GRM8: variants seen among roughly 807,000 people sequenced by gnomAD.
GRM8 encodes the protein glutamate metabotropic receptor 8.
GRM8 carries 47 observed loss-of-function variants against 87.2 expected under a neutral mutation model. The ratio of observed to expected loss-of-function variants is 0.54; its 90% confidence interval spans 0.43 to 0.69. GRM8 has a LOEUF of 0.69. GRM8 is among the 30% of genes least tolerant of loss of function. GRM8 has a pLI of 0.00. For synonymous variants in GRM8, 396 were observed against 404.5 expected (o/e 0.98, Z 0.25); for missense variants, 1,019 against 1,139.2 (o/e 0.89, Z 1.52).
chr7:126,756,536 T>C (rs1817022974), intron 7 of GRM8, among the ~76,000 whole-genome samples: 1 of 151,922 alleles, frequency 6.6e-6, no homozygotes, highest in Non-Finnish European at 1.5e-5. Flanking sequence ...AAAGGACAAC[T>C]ATATCAAAAT....
At chr7:126,471,196 T>C (rs965446023) in intron 9 of GRM8, among the ~76,000 whole-genome samples, 56 of 152,138 alleles carry the variant, frequency 3.7e-4, no homozygotes, top group Non-Finnish European at 7.9e-4. Context: ...TTAGTTTAAT[T>C]AGATCCCATT....
chr7:127,114,937 G>A (rs1189845555), intron 2 of GRM8, among the ~76,000 whole-genome samples: 1 of 152,128 alleles, frequency 6.6e-6, no homozygotes. Context: ...AGAGAAGGCA[G>A]TGGAAAGCCA....
At chr7:126,474,605 C>T (rs1405418629) in intron 9 of GRM8, among the ~76,000 whole-genome samples, 1 of 152,120 alleles carries the variant, frequency 6.6e-6, no homozygotes, top group Non-Finnish European at 1.5e-5. Context: ...TATGTTCATC[C>T]TGAAAAGACT....
At chr7:126,946,115 T>C (rs1415971924) in intron 3 of GRM8, among the ~76,000 whole-genome samples, 2 of 152,218 alleles carry the variant, frequency 1.3e-5, no homozygotes, top group Non-Finnish European at 2.9e-5. Context: ...ACAAATGAAA[T>C]GTTGATGTGC....
intron 6 of GRM8, among the ~76,000 whole-genome samples, chr7:126,864,593 A>G (rs936426999): frequency 6.6e-6 from 1 of 152,108 alleles, no homozygotes; most frequent in Admixed American, 6.5e-5. Flanking sequence ...ACCTATGTAT[A>G]CATACCTATA....
intron 8 of GRM8, among the ~76,000 whole-genome samples, chr7:126,538,398 A>C (rs1359074168): frequency 6.6e-6 from 1 of 152,180 alleles, no homozygotes; most frequent in East Asian, 1.9e-4. Flanking sequence ...AGAATGTTGA[A>C]CAAGTAAAAT....
At chr7:126,818,995 T>C (rs987261238) in intron 6 of GRM8, among the ~76,000 whole-genome samples, 8 of 152,020 alleles carry the variant, frequency 5.3e-5, no homozygotes, top group Non-Finnish European at 8.8e-5. Context: ...CTCTAATCCA[T>C]CCCACTGCTA....
intron 3 of GRM8, among the ~76,000 whole-genome samples, chr7:126,906,581 C>G (rs2131253734): frequency 6.6e-6 from 1 of 152,294 alleles, no homozygotes; most frequent in Admixed American, 6.5e-5. Flanking sequence ...GGTTCATCAG[C>G]AGGAGAAATA....
chr7:126,913,744 C>T lies in GRM8; in HGVS notation c.728-9061G>A, dbSNP rs1165655078. ...TATGGTTTAAATAAGTGTAATCACG[C>T]CTCCTGTAACAATATTTTCGCCTCC... On this transcript the variant is annotated intron_variant, in intron 3 of 10. Coordinates refer to ENST00000339582, the MANE Select transcript of GRM8 (RefSeq NM_000845.3). Among the ~76,000 whole-genome samples, 5 of 152,290 alleles carry T rather than the reference C, an allele frequency of 3.3e-5. No individual in the cohort carries two copies. The East Asian group carries it at 9.6e-4, about 29-fold the overall frequency.
chr7:127,130,428 G>C (rs573695414), intron 2 of GRM8, among the ~76,000 whole-genome samples: 2 of 152,310 alleles, frequency 1.3e-5, no homozygotes, highest in Admixed American at 1.3e-4. Flanking sequence ...AATGCTGATA[G>C]TGATATGGAC....
chr7:127,058,135 G>C (rs1441229913), intron 3 of GRM8: 1 of 521,662 alleles, frequency 1.9e-6, no homozygotes, highest in Non-Finnish European at 3.9e-6. Flanking sequence ...TGATGACGCT[G>C]TGCCATCACA....
chr7:126,595,268 G>T (rs923095959), intron 8 of GRM8, among the ~76,000 whole-genome samples: 19 of 151,816 alleles, frequency 1.3e-4, no homozygotes, highest in African/African-American at 3.9e-4. Context: ...ATCTCACTGT[G>T]TTACCCAGGT....
intron 7 of GRM8, among the ~76,000 whole-genome samples, chr7:126,756,652 A>C (rs1308038188): frequency 6.6e-6 from 1 of 152,118 alleles, no homozygotes; most frequent in Non-Finnish European, 1.5e-5. Context: ...GAAAGAGGCA[A>C]ATCTGAAAAA....
At chr7:126,552,694 A>G (rs1792715460) in intron 8 of GRM8, among the ~76,000 whole-genome samples, 1 of 152,122 alleles carries the variant, frequency 6.6e-6, no homozygotes, top group African/African-American at 2.4e-5. Flanking sequence ...AGCTAATTAC[A>G]TTTATTTAAA....
At chr7:126,563,744 A>T (rs1350563223) in intron 8 of GRM8, among the ~76,000 whole-genome samples, 1 of 152,194 alleles carries the variant, frequency 6.6e-6, no homozygotes, top group East Asian at 1.9e-4. Flanking sequence ...ATAAAAAGAT[A>T]TCCTAGGTGG....
In GRM8 at chr7:126,477,593, A is replaced by AAG. The variant is rs1563051175; in HGVS notation, c.2431-31223_2431-31222dup. ...AAAGAAAGAAAGAGAGAAAGAAAGAAAGAAAGAAAGAAAGAAAGAAAGAAA... is the reference window on the plus strand; with the variant it reads ...AAAGAAAGAAAGAGAGAAAGAAAGAAAGAGAAAGAAAGAAAGAAAGAAAGAAA... On this transcript the variant is annotated intron_variant, in intron 9 of 10. Coordinates refer to ENST00000339582, the MANE Select transcript of GRM8 (RefSeq NM_000845.3). 6.6e-4 allele frequency among the ~76,000 whole-genome samples: 43 copies of AAG among 65,408 alleles called. 1 individual carries two copies. The highest frequency in any genetic ancestry group is 1.8e-3 in the African/African-American group (39 of 21,652). 42.9% of individuals were successfully genotyped at this position (65,408 alleles called of 152,430 possible). A position where few individuals can be genotyped will look rare whatever the true frequency, so the allele number is the denominator to read the frequency against.
At position 126,798,911 on chromosome 7, in the gene GRM8, C is replaced by T. The variant is rs1013515861; in HGVS notation, c.1157-28846G>A. On this transcript the variant is annotated intron_variant, in intron 6 of 10. Transcript: ENST00000339582. ...TTCAACGAATGTGGATCAGAAAGAA[C>T]AACAGTGATAATAACTTGGAGCAAA... 3.0e-4 allele frequency among the ~76,000 whole-genome samples: 45 copies of T among 152,148 alleles called. 1 individual carries two copies. The highest frequency in any genetic ancestry group is 6.8e-3 in the Middle Eastern group (2 of 294).
At chr7:127,228,406 G>A (rs369267827) in intron 2 of GRM8, 8 of 152,182 alleles carry the variant, frequency 5.3e-5, no homozygotes, top group African/African-American at 1.9e-4. Context: ...AGAACTGAAG[G>A]CTCAGGAAGA....
In GRM8 at chr7:127,021,502, T is replaced by C. The variant is rs191543889; in HGVS notation, c.727+84994A>G. On this transcript the variant is annotated intron_variant, in intron 3 of 10. Coordinates refer to ENST00000339582, the MANE Select transcript of GRM8 (RefSeq NM_000845.3). ...AACTATATGTTACTTCTCAATGTAC[T>C]CATTACAGCTATGTCACTGTAGGTG... Among the ~76,000 whole-genome samples the C allele has an allele frequency of 6.9e-4, 105 of 152,206 alleles. 1 individual carries two copies. The highest frequency in any genetic ancestry group is 2.5e-3 in the African/African-American group (103 of 41,568).
Sources: gnomAD v4.1 joint callset for allele counts (sites outside exome capture counted in the v4.1 genomes callset) on GRCh38, gnomAD v4.1.1 for gene constraint, MANE v1.5 for transcripts, NCBI Gene and HGNC (gene_info 2026-07-23, HGNC 2026-07-21) for gene names.